The following IL5RA variants were observed in gnomAD, a reference collection of about 807,000 sequenced individuals.
The protein encoded by IL5RA is interleukin 5 receptor subunit alpha.
A neutral mutation model predicts 50.0 loss-of-function variants in IL5RA; 49 were observed. The ratio of observed to expected loss-of-function variants is 0.98; its 90% CI spans 0.78 to 1.24. The LOEUF is 1.24. IL5RA is among the 50% of genes most tolerant of loss of function. IL5RA has a pLI of 0.00. For missense variants in IL5RA, 600 were observed against 500.4 expected (o/e 1.20, Z -1.90); for synonymous variants, 202 against 174.0 (o/e 1.16, Z -1.26).
intron 9 of IL5RA, among the ~76,000 whole-genome samples, chr3:3,084,920 A>G (rs981790036): frequency 6.6e-6 from 1 of 152,258 alleles, no homozygotes; most frequent in Non-Finnish European, 1.5e-5. Context: ...CCATCCCTCC[A>G]TGAGGCAGAA....
Position 3,070,291 on chromosome 3 carries a change from C to G in IL5RA, c.1197G>C (p.Thr399=). 6.2e-7 allele frequency: 1 copy of G among 1,612,512 alleles called. No homozygotes were observed. The highest frequency in any genetic ancestry group is 1.1e-5 in the South Asian group (1 of 90,952). ...CTATATAACAGATGACTTCAATTTC[C>G]GTCTCACTGGACCCAGCTTTCTGCA... ...TNYEKAGSSE[T]EIEVICYIEK... is the part of the protein sequence containing the mutation. Residue 399 remains threonine, a synonymous_variant, in exon 12 of 12, where the codon ACG becomes ACC. Coordinates refer to ENST00000446632, the MANE Select transcript of IL5RA (RefSeq NM_175726.4).
chr3:3,074,642 T>C, intron 11 of IL5RA, 140 bp downstream of exon 11: 1 of 577,326 alleles, frequency 1.7e-6, no homozygotes, highest in South Asian at 2.3e-5. Flanking sequence ...AAGAACAGAA[T>C]GACTGAAGCA....
chr3:3,089,892 T>C (rs1282071406), intron 9 of IL5RA: 18 of 211,186 alleles, frequency 8.5e-5, no homozygotes, highest in Admixed American at 1.6e-4. Context: ...GGATTACTGG[T>C]GTGAGCCACC....
intron 3 of IL5RA, 157 bp from the exon 4 acceptor site, chr3:3,102,977 A>G: frequency 1.9e-6 from 1 of 534,686 alleles, no homozygotes; most frequent in Non-Finnish European, 3.2e-6. Context: ...ACCGGGGCAA[A>G]GAGAAAGTGG....
intron 5 of IL5RA, among the ~76,000 whole-genome samples, chr3:3,099,098 T>C (rs762361609): frequency 3.9e-5 from 6 of 152,228 alleles, no homozygotes; most frequent in Non-Finnish European, 7.3e-5. Flanking sequence ...CATAGGTTGC[T>C]GCTCAGAAGA....
chr3:3,100,551 T>C (rs1275806349), intron 5 of IL5RA, among the ~76,000 whole-genome samples: 2 of 152,246 alleles, frequency 1.3e-5, no homozygotes, highest in African/African-American at 2.4e-5. Flanking sequence ...CAACTCTTTG[T>C]CTTATAGTTC....
At chr3:3,101,094 G>A (rs145454053) in intron 5 of IL5RA, among the ~76,000 whole-genome samples, 2,172 of 151,226 alleles carry the variant, frequency 0.014, 26 homozygotes, top group Non-Finnish European at 0.019. Context: ...CATGAGAACC[G>A]CTTGAACCCA....
intron 9 of IL5RA, among the ~76,000 whole-genome samples, chr3:3,079,197 C>G (rs1218537399): frequency 1.3e-5 from 2 of 152,186 alleles, no homozygotes; most frequent in African/African-American, 4.8e-5. Context: ...TTTATGAAGT[C>G]TTTTCCCAGG....
At chr3:3,102,972 G>A in intron 3 of IL5RA, 152 bp from the exon 4 acceptor site, 3 of 544,854 alleles carry the variant, frequency 5.5e-6, no homozygotes, top group South Asian at 5.3e-5. Flanking sequence ...GTAACACCGG[G>A]GCAAAGAGAA....
chr3:3,095,037 A>AT (rs776748963), intron 8 of IL5RA, among the ~76,000 whole-genome samples: 12 of 152,112 alleles, frequency 7.9e-5, no homozygotes, highest in Non-Finnish European at 1.2e-4. Flanking sequence ...ATCATTTTAG[A>AT]TTTTAACCAG....
intron 5 of IL5RA, among the ~76,000 whole-genome samples, chr3:3,101,020 A>G (rs1216957213): frequency 6.9e-6 from 1 of 144,154 alleles, no homozygotes; most frequent in Non-Finnish European, 1.5e-5. Context: ...TAATAATAAT[A>G]ATACAAAAAT....
At position 3,092,127 on chromosome 3, in the gene IL5RA, C is replaced by T; in HGVS notation, c.994+97G>A. ...AATTAGTCACAATAGAGATATGAAA[C>T]CATTTTAAGACCCACGAGTGAACGG... On this transcript the variant is annotated intron_variant, in intron 9 of 11. Transcript: ENST00000446632. This position sits in a 1 kb window ranked among gnomAD's most constrained non-coding sequence, Gnocchi z 4.2. 1 of 1,517,174 alleles carries T rather than the reference C, an allele frequency of 6.6e-7. No homozygotes were observed. Among genetic ancestry groups the T allele is most frequent in the East Asian group, 2.3e-5 (1 of 43,950 alleles). The allele number at this position is 1,517,174 out of a possible 1,614,324, so 94.0% of individuals were successfully genotyped here. A position where few individuals can be genotyped will look rare whatever the true frequency, so the allele number is the denominator to read the frequency against.
intron 9 of IL5RA, among the ~76,000 whole-genome samples, chr3:3,087,658 G>A (rs1702925418): frequency 1.3e-5 from 2 of 151,366 alleles, no homozygotes; most frequent in Non-Finnish European, 2.9e-5. Flanking sequence ...TAATAACTAT[G>A]AAAGGGTTGA....
At chr3:3,107,367 C>G (rs1403415299) in intron 2 of IL5RA, among the ~76,000 whole-genome samples, 4 of 107,770 alleles carry the variant, frequency 3.7e-5, no homozygotes, top group African/African-American at 1.4e-4. Flanking sequence ...CTTAATACTT[C>G]TTGTCCCTGC....
At chr3:3,077,408 C>G (rs1702524106) in intron 9 of IL5RA, among the ~76,000 whole-genome samples, 1 of 152,176 alleles carries the variant, frequency 6.6e-6, no homozygotes, top group Non-Finnish European at 1.5e-5. Flanking sequence ...CCCATTAACT[C>G]TTCTAGGAAC....
intron 9 of IL5RA, among the ~76,000 whole-genome samples, chr3:3,091,553 G>A (rs942152624): frequency 4.6e-5 from 7 of 152,132 alleles, no homozygotes; most frequent in African/African-American, 1.4e-4. Flanking sequence ...CCAACGTGGT[G>A]AAACCCTGTC....
At chr3:3,070,827 C>T (rs572358870) in intron 11 of IL5RA, among the ~76,000 whole-genome samples, 103 of 152,112 alleles carry the variant, frequency 6.8e-4, no homozygotes, top group African/African-American at 2.2e-3. Context: ...GTGATCCCCC[C>T]GCCTCGGCCT....
intron 9 of IL5RA, among the ~76,000 whole-genome samples, chr3:3,081,899 C>T (rs1046552531): frequency 1.3e-5 from 2 of 152,184 alleles, no homozygotes; most frequent in Admixed American, 6.5e-5. Context: ...TAGGGCTACT[C>T]CCCTATAGCT....
chr3:3,077,620 T>G (rs1445491544), intron 9 of IL5RA, among the ~76,000 whole-genome samples: 1 of 152,102 alleles, frequency 6.6e-6, no homozygotes, highest in Non-Finnish European at 1.5e-5. Flanking sequence ...AATACAAATA[T>G]TAGCCAGGCG....
Sources: allele counts gnomAD v4.1 joint callset (sites outside exome capture counted in the v4.1 genomes callset), GRCh38; gene constraint gnomAD v4.1.1; non-coding constraint Gnocchi (gnomAD v3.1); transcripts MANE v1.5; gene names NCBI Gene and HGNC (gene_info 2026-07-23, HGNC 2026-07-21).